The following ACO2 variants were observed in gnomAD, a reference collection of about 807,000 sequenced individuals.
ACO2 encodes the protein aconitase 2.
In ACO2, 31 loss-of-function variants were observed where a neutral mutation model predicts 84.5. The observed-to-expected ratio is 0.37, with a 90% confidence interval of 0.28 to 0.50. ACO2 has a LOEUF of 0.50. Ranked by LOEUF, ACO2 falls within the 20% of genes least tolerant of loss-of-function variation. ACO2 has a pLI of 0.97. For missense variants in ACO2, 685 were observed against 1,029.3 expected (o/e 0.67, Z 4.58); for synonymous variants, 414 against 412.7 (o/e 1.00, Z -0.04).
chr22:41,504,905 G>C (rs369912154), intron 2 of ACO2, among the ~76,000 whole-genome samples: 2 of 151,190 alleles, frequency 1.3e-5, no homozygotes, highest in Admixed American at 6.6e-5. Flanking sequence ...TATGTTTTTT[G>C]TACAGGTGGA....
At chr22:41,502,552 A>C (rs2069289048) in intron 2 of ACO2, among the ~76,000 whole-genome samples, 1 of 152,082 alleles carries the variant, frequency 6.6e-6, no homozygotes, top group Admixed American at 6.6e-5. Flanking sequence ...AAACACTTCC[A>C]CCTTGCTTTC....
chr22:41,520,275 G>T lies in ACO2; in HGVS notation c.1137G>T (p.Val379=). The T allele has an allele frequency of 6.2e-7, 1 of 1,613,300 alleles. No homozygotes were observed. Among genetic ancestry groups the T allele is most frequent in the South Asian group, 1.1e-5 (1 of 91,022 alleles). The change falls in exon 9 of 18, where the codon GTG becomes GTT. Residue 379 remains valine, a splice_region_variant and synonymous_variant. Coordinates refer to ENST00000216254, the MANE Select transcript of ACO2 (RefSeq NM_001098.3). The part of the protein sequence containing the change: ...EKEGWPLDIR[V]GLIGSCTNSS... ...AAGGATGGCCTCTGGACATCCGAGT[G>T]GGTGAGCACCTTCCACCCCATCTGT...
In ACO2 at chr22:41,476,235, C is replaced by A. The variant is rs1038971821; in HGVS notation, c.36+7053C>A. The stretch of plus-strand genomic sequence containing the variant: ...CCAGCCTGACCAACATGGTGAAACC[C>A]CGTCTGTACTTAAAATACAAAATTA... On this transcript the variant is annotated intron_variant, in intron 1 of 17. Transcript: ENST00000216254. Among the ~76,000 whole-genome samples the A allele has an allele frequency of 3.3e-5, 5 of 151,282 alleles. No homozygotes were observed. The East Asian group carries it at 5.9e-4, about 18-fold the overall frequency.
At chr22:41,485,566 G>A (rs1038229079) in intron 1 of ACO2, among the ~76,000 whole-genome samples, 7 of 150,136 alleles carry the variant, frequency 4.7e-5, no homozygotes, top group East Asian at 2.0e-4. Context: ...TCAGCCTCTC[G>A]AGTAGCTGGG....
chr22:41,490,058 T>C (rs1203880434), intron 1 of ACO2, among the ~76,000 whole-genome samples: 1 of 152,154 alleles, frequency 6.6e-6, no homozygotes, highest in Non-Finnish European at 1.5e-5. Context: ...CACGGTGTCT[T>C]ACACCTGTAA....
At chr22:41,512,485 C>T (rs1199807656) in intron 4 of ACO2, among the ~76,000 whole-genome samples, 1 of 152,108 alleles carries the variant, frequency 6.6e-6, no homozygotes, top group Non-Finnish European at 1.5e-5. Context: ...ACCTTCTTGC[C>T]CAGGGACACC....
At chr22:41,495,660 G>GT (rs1176136506) in intron 1 of ACO2, among the ~76,000 whole-genome samples, 1 of 147,486 alleles carries the variant, frequency 6.8e-6, no homozygotes, top group Non-Finnish European at 1.5e-5. Context: ...TTGCTCTGTC[G>GT]TCCAGGCTGG....
In ACO2 at chr22:41,528,845, A is replaced by G; in HGVS notation, c.*232A>G. ...TTTGGTTCAGATCTTAAGCAGCTCC[A>G]TGCAACTGTATTTATTTTTGATGAC... On this transcript the variant is annotated 3_prime_UTR_variant, in exon 18 of 18. Coordinates refer to ENST00000216254, the MANE Select transcript of ACO2 (RefSeq NM_001098.3). 1.8e-6 allele frequency: 1 copy of G among 563,792 alleles called. No individual in the cohort carries two copies. Among genetic ancestry groups the G allele is most frequent in the South Asian group, 2.4e-5 (1 of 42,206 alleles). 34.9% of individuals were successfully genotyped at this position (563,792 alleles called of 1,614,324 possible).
chr22:41,516,971 C>T (rs2066480854), intron 6 of ACO2, among the ~76,000 whole-genome samples: 1 of 151,950 alleles, frequency 6.6e-6, no homozygotes, highest in African/African-American at 2.4e-5. Flanking sequence ...CTCAGGTGAT[C>T]CACCCACCTC....
At chr22:41,469,324 G>C (rs777485981) in intron 1 of ACO2, 142 bp downstream of exon 1, 4 of 1,017,052 alleles carry the variant, frequency 3.9e-6, no homozygotes, top group South Asian at 1.8e-5. Context: ...CCCGGCACCC[G>C]TGCCCGCTTC....
At chr22:41,504,739 T>G (rs896819867) in intron 2 of ACO2, among the ~76,000 whole-genome samples, 4 of 147,400 alleles carry the variant, frequency 2.7e-5, no homozygotes, top group African/African-American at 1.0e-4. Flanking sequence ...TTTTTTTTTT[T>G]TTGAGGTAGG....
rs2066652961 is a variant in ACO2 at position 41,528,502 on chromosome 22, C to T, written c.2232C>T (p.His744=). ...AGCCCCTGAAGTGCATCATCAAGCA[C>T]CCCAACGGGACCCAGGAGACCATCC... ...PGKPLKCIIK[H]PNGTQETILL... Residue 744 remains histidine, a synonymous_variant, in exon 18 of 18, where the codon CAC becomes CAT. Transcript: ENST00000216254. The T allele has an allele frequency of 6.2e-7, 1 of 1,612,314 alleles. No homozygotes were observed. Among genetic ancestry groups the T allele is most frequent in the African/African-American group, 1.3e-5 (1 of 74,870 alleles).
chr22:41,507,641 TC>T, intron 2 of ACO2, 149 bp from the exon 3 acceptor site: 1 of 1,105,702 alleles, frequency 9.0e-7, no homozygotes. Context: ...GACCCAGCAG[TC>T]CCCACCCAAG....
intron 1 of ACO2, among the ~76,000 whole-genome samples, chr22:41,489,917 C>T (rs866584405): frequency 2.0e-5 from 3 of 151,938 alleles, no homozygotes; most frequent in Admixed American, 1.3e-4. Context: ...GTCAAATTGC[C>T]GCTAAACAAT....
At chr22:41,493,737 T>A (rs531867592) in intron 1 of ACO2, among the ~76,000 whole-genome samples, 1 of 152,084 alleles carries the variant, frequency 6.6e-6, no homozygotes, top group Non-Finnish European at 1.5e-5. Flanking sequence ...AGTCCAGGAG[T>A]TCGAGACCAT....
chr22:41,469,344 C>G (rs757302347), intron 1 of ACO2, 162 bp downstream of exon 1: 15 of 793,752 alleles, frequency 1.9e-5, no homozygotes, highest in Non-Finnish European at 2.7e-5. Flanking sequence ...CTCTGGTGCC[C>G]TAGGTCAAGG....
At chr22:41,527,793 C>A (rs1260709287) in intron 16 of ACO2, 108 bp from the exon 17 acceptor site, 2 of 1,561,218 alleles carry the variant, frequency 1.3e-6, no homozygotes, top group East Asian at 4.5e-5. Context: ...CGGGCATTGT[C>A]CCAGGCAGCA....
rs1231396515 is a variant in ACO2, at chr22:41,524,829, G to A, written c.1483-17G>A. The A allele has an allele frequency of 5.6e-6, 9 of 1,614,012 alleles. No individual in the cohort carries two copies. Among genetic ancestry groups the A allele is most frequent in the South Asian group, 1.1e-5 (1 of 91,084 alleles). Reference sequence around the variant, plus strand: ...GGCAATTGGTGCTGACCAACAAACTGGCCACCTCCATTTCAGATTGTCACA... The same window carrying A: ...GGCAATTGGTGCTGACCAACAAACTAGCCACCTCCATTTCAGATTGTCACA... On this transcript the variant is annotated splice_polypyrimidine_tract_variant and intron_variant, in intron 12 of 17. Coordinates refer to ENST00000216254, the MANE Select transcript of ACO2 (RefSeq NM_001098.3).
At chr22:41,514,301 G>C (rs1384416417) in intron 4 of ACO2, among the ~76,000 whole-genome samples, 1 of 152,204 alleles carries the variant, frequency 6.6e-6, no homozygotes, top group Non-Finnish European at 1.5e-5. Context: ...TGACTGATGA[G>C]CGGCAGAACC....
Sources: allele counts gnomAD v4.1 joint callset (sites outside exome capture counted in the v4.1 genomes callset), GRCh38; gene constraint gnomAD v4.1.1; transcripts MANE v1.5; gene names NCBI Gene and HGNC (gene_info 2026-07-23, HGNC 2026-07-21).